NEMP2: variants seen among roughly 807,000 people sequenced by gnomAD.
NEMP2 encodes UPF0571 transmembrane protein.
NEMP2 carries 53 observed loss-of-function variants against 54.2 expected under a neutral mutation model. The ratio of observed to expected loss-of-function variants is 0.98; its 90% confidence interval spans 0.78 to 1.23. The LOEUF (loss-of-function observed/expected upper bound fraction) is 1.23. Among genes scored for constraint, NEMP2 ranks in the 50% most tolerant of loss-of-function variants. The pLI is 0.00. For missense variants in NEMP2, 455 were observed against 511.3 expected, an observed-to-expected ratio of 0.89 and a Z score of 1.06; for synonymous variants, 197 against 190.3, an observed-to-expected ratio of 1.04 and a Z score of -0.29.
At chr2:190,482,903 T>TTTTTTTTTTTTTTTTTTTTTTTTTTTTTG in the NEMP2 span, among the ~76,000 whole-genome samples, 10 of 86,250 alleles carry the variant, frequency 1.2e-4, 4 homozygotes, top group East Asian at 8.2e-4. Context: ...TTTTTTTTTT[T>TTTTTTTTTTTTTTTTTTTTTTTTTTTTTG]AGACGGAGTC....
chr2:190,566,638 A>C, the NEMP2 span, among the ~76,000 whole-genome samples: 2 of 136,170 alleles, frequency 1.5e-5, no homozygotes, highest in Non-Finnish European at 3.2e-5. Context: ...GGGGAAGGGA[A>C]GGGAGGGGAG....
chr2:190,621,250 CT>C, the NEMP2 span, among the ~76,000 whole-genome samples: 1 of 152,214 alleles, frequency 6.6e-6, no homozygotes, highest in South Asian at 2.1e-4. Context: ...ACTATACACT[CT>C]GCAGATATAT....
At chr2:190,536,707 G>T (rs1691388951), upstream of NEMP2, among the ~76,000 whole-genome samples, 1 of 152,218 alleles carries the variant, frequency 6.6e-6, no homozygotes, top group African/African-American at 2.4e-5. Context: ...GCTAAAAGCT[G>T]AGTGAGGGAC....
chr2:190,597,515 C>G, the NEMP2 span, among the ~76,000 whole-genome samples: 151 of 151,962 alleles, frequency 9.9e-4, no homozygotes, highest in Middle Eastern at 3.4e-3. This position sits in a 1 kb window ranked among gnomAD's most constrained non-coding sequence, Gnocchi z 4.7. Context: ...TTGATGAGGG[C>G]CTGGAGAATG....
At position 190,512,362 on chromosome 2, in the gene NEMP2, A is replaced by G. The variant is rs1690398645; in HGVS notation, c.954-1825T>C. 3.3e-5 allele frequency among the ~76,000 whole-genome samples: 5 copies of G among 152,332 alleles called. No homozygotes were observed. In the South Asian group the frequency reaches 1.0e-3, roughly 32 times the overall value. On this transcript the variant is annotated intron_variant, in intron 7 of 8. Coordinates refer to ENST00000409150, the MANE Select transcript of NEMP2 (RefSeq NM_001142645.2). This position sits in a 1 kb window ranked among gnomAD's most constrained non-coding sequence, Gnocchi z 4.5. ...AAGTGGCCTATAGTAGGTGTTCAAT[A>G]AGGATAATCAAAAGAGTAGTTACCA...
At chr2:190,437,691 A>G in the NEMP2 span, 2 of 1,117,188 alleles carry the variant, frequency 1.8e-6, no homozygotes, top group Non-Finnish European at 2.5e-6. The surrounding 1 kb of genome is among the most constrained non-coding windows in gnomAD (Gnocchi z 5.9). Context: ...GGAAATGGGG[A>G]TTTCTGTTTC....
the NEMP2 span, among the ~76,000 whole-genome samples, chr2:190,580,972 G>T: frequency 6.6e-6 from 1 of 152,136 alleles, no homozygotes; most frequent in Non-Finnish European, 1.5e-5. The surrounding 1 kb of genome is among the most constrained non-coding windows in gnomAD (Gnocchi z 5.3). Context: ...GAAATAATTG[G>T]ATTCCACCCT....
upstream of NEMP2, among the ~76,000 whole-genome samples, chr2:190,538,206 A>G (rs373169616): frequency 1.6e-4 from 24 of 152,224 alleles, no homozygotes; most frequent in East Asian, 9.6e-4. This position sits in a 1 kb window ranked among gnomAD's most constrained non-coding sequence, Gnocchi z 4.1. Context: ...GCTCCCACAT[A>G]TAAATGAGAA....
chr2:190,604,128 G>A, the NEMP2 span, among the ~76,000 whole-genome samples: 4 of 152,160 alleles, frequency 2.6e-5, no homozygotes, highest in Admixed American at 1.3e-4. The surrounding 1 kb of genome is among the most constrained non-coding windows in gnomAD (Gnocchi z 4.5). Flanking sequence ...GATGGTCTAC[G>A]TGTCCATCGA....
chr2:190,564,983 T>A, the NEMP2 span, among the ~76,000 whole-genome samples: 1 of 152,146 alleles, frequency 6.6e-6, no homozygotes, highest in African/African-American at 2.4e-5. This position sits in a 1 kb window ranked among gnomAD's most constrained non-coding sequence, Gnocchi z 4.2. Context: ...CTTGAAGACC[T>A]GAAGGAAGCT....
At chr2:190,455,183 A>C in the NEMP2 span, among the ~76,000 whole-genome samples, 2 of 152,092 alleles carry the variant, frequency 1.3e-5, no homozygotes, top group South Asian at 4.2e-4. Context: ...TGGTATCATC[A>C]AAATAGAGAC....
In NEMP2 at chr2:190,514,909, C is replaced by G. The variant is rs1449504007; in HGVS notation, c.728-231G>C. ...ATGTACACTCATTATTATGATGATA[C>G]ATAAGTATGTCTGTGTTTTAGTCCA... is the stretch of plus-strand genomic sequence containing the variant. On this transcript the variant is annotated intron_variant, in intron 6 of 8. Coordinates refer to ENST00000409150, the MANE Select transcript of NEMP2 (RefSeq NM_001142645.2). This position sits in a 1 kb window ranked among gnomAD's most constrained non-coding sequence, Gnocchi z 5.7. Among the ~76,000 whole-genome samples the G allele has an allele frequency of 1.3e-5, 2 of 152,090 alleles. No homozygotes were observed. Among genetic ancestry groups the G allele is most frequent in the Non-Finnish European group, 2.9e-5 (2 of 68,018 alleles).
the NEMP2 span, among the ~76,000 whole-genome samples, chr2:190,640,797 T>A: frequency 1.3e-4 from 1 of 7,550 alleles, no homozygotes; most frequent in African/African-American, 4.4e-4. Context: ...ATTTTTTTTT[T>A]TTTTTTTTTT....
At chr2:190,434,949 T>A in the NEMP2 span, among the ~76,000 whole-genome samples, 7 of 152,162 alleles carry the variant, frequency 4.6e-5, no homozygotes, top group African/African-American at 1.7e-4. The surrounding 1 kb of genome is among the most constrained non-coding windows in gnomAD (Gnocchi z 4.3). Flanking sequence ...TAGATTTGCA[T>A]AGGAGCATGA....
chr2:190,581,971 G>C, the NEMP2 span, among the ~76,000 whole-genome samples: 1 of 152,184 alleles, frequency 6.6e-6, no homozygotes, highest in East Asian at 1.9e-4. Context: ...CTCCCTGAAA[G>C]CTGGTAGTGC....
chr2:190,598,864 T>A, the NEMP2 span, among the ~76,000 whole-genome samples: 3 of 152,234 alleles, frequency 2.0e-5, no homozygotes, highest in African/African-American at 7.2e-5. Context: ...TAATATACCT[T>A]AATCTGAAGT....
chr2:190,499,783 C>T (rs1371299929), downstream of NEMP2: 5 of 1,488,206 alleles, frequency 3.4e-6, no homozygotes, highest in Non-Finnish European at 4.5e-6. The surrounding 1 kb of genome is among the most constrained non-coding windows in gnomAD (Gnocchi z 6.0). Context: ...CCTTTTTCCA[C>T]AAGACACGTC....
At chr2:190,472,428 T>C in the NEMP2 span, among the ~76,000 whole-genome samples, 2 of 152,188 alleles carry the variant, frequency 1.3e-5, no homozygotes, top group East Asian at 1.9e-4. Flanking sequence ...GCACGAGAAA[T>C]AGGTGACAAA....
chr2:190,499,692 C>G, downstream of NEMP2: 1 of 919,988 alleles, frequency 1.1e-6, no homozygotes, highest in Non-Finnish European at 1.5e-6. The surrounding 1 kb of genome is among the most constrained non-coding windows in gnomAD (Gnocchi z 6.0). Context: ...AGCGACTTGC[C>G]ACATGGCTTG....
Sources: allele counts gnomAD v4.1 joint callset (sites outside exome capture counted in the v4.1 genomes callset), GRCh38; gene constraint gnomAD v4.1.1; non-coding constraint Gnocchi (gnomAD v3.1); transcripts MANE v1.5; gene names NCBI Gene and HGNC (gene_info 2026-07-23, HGNC 2026-07-21).